Variants in KLHL14 observed in about 807,000 individuals in gnomAD.
The protein encoded by KLHL14 is kelch like family member 14.
KLHL14 carries 22 observed loss-of-function variants against 64.3 expected under a neutral mutation model. The ratio of observed to expected loss-of-function variants is 0.34; its 90% CI spans 0.24 to 0.49. The LOEUF (loss-of-function observed/expected upper bound fraction) is 0.49. Ranked by LOEUF, KLHL14 falls within the 20% of genes least tolerant of loss-of-function variation. The pLI is 0.99. For synonymous variants in KLHL14, 322 were observed against 333.4 expected (o/e 0.97, Z 0.37); for missense variants, 661 against 789.0 (o/e 0.84, Z 1.94).
At position 32,770,921 on chromosome 18, in the gene KLHL14, T is replaced by C; in HGVS notation, c.-43-287A>G. 2.2e-6 allele frequency: 1 copy of C among 464,616 alleles called. No individual in the cohort carries two copies. The highest frequency in any genetic ancestry group is 4.0e-6 in the Non-Finnish European group (1 of 247,772). The allele number at this position is 464,616 out of a possible 1,614,324, so 28.8% of individuals were successfully genotyped here. On this transcript the variant is annotated intron_variant, in intron 1 of 8. Transcript: ENST00000359358. This position sits in a 1 kb window ranked among gnomAD's most constrained non-coding sequence, Gnocchi z 6.7. Reference sequence around the variant, plus strand: ...CCACACACTTCGTCCCTCACTTTCCTAAAACCAACCACCTCAGCTCGGCTG... The same window carrying C: ...CCACACACTTCGTCCCTCACTTTCCCAAAACCAACCACCTCAGCTCGGCTG...
chr18:32,677,140 A>ATAAAGGAG (rs761456380), intron 8 of KLHL14, 33 bp downstream of exon 8: 2 of 1,597,078 alleles, frequency 1.3e-6, no homozygotes. Flanking sequence ...CACAAACGAA[A>ATAAAGGAG]TAAAGGAGGA....
At chr18:32,762,171 G>A (rs951618833) in intron 2 of KLHL14, among the ~76,000 whole-genome samples, 12 of 151,322 alleles carry the variant, frequency 7.9e-5, no homozygotes, top group East Asian at 3.9e-4. Flanking sequence ...TATTATAGGC[G>A]GTAAGGTACC....
intron 3 of KLHL14, among the ~76,000 whole-genome samples, chr18:32,721,844 C>A (rs897092469): frequency 1.3e-5 from 2 of 152,190 alleles, no homozygotes; most frequent in Non-Finnish European, 2.9e-5. Context: ...TGAATACCCA[C>A]ATGACCTAAA....
intron 3 of KLHL14, among the ~76,000 whole-genome samples, chr18:32,716,483 C>T (rs1293298632): frequency 2.6e-5 from 4 of 151,720 alleles, no homozygotes; most frequent in African/African-American, 9.7e-5. Context: ...GGCACGATCT[C>T]GGCTCACTGC....
At chr18:32,688,159 C>T (rs1022052614) in intron 4 of KLHL14, among the ~76,000 whole-genome samples, 1 of 152,162 alleles carries the variant, frequency 6.6e-6, no homozygotes, top group African/African-American at 2.4e-5. Flanking sequence ...AGATGATAAT[C>T]ATCTAGAGGA....
At chr18:32,732,785 G>T (rs1366465915) in intron 3 of KLHL14, among the ~76,000 whole-genome samples, 3 of 152,302 alleles carry the variant, frequency 2.0e-5, no homozygotes, top group Non-Finnish European at 2.9e-5. Context: ...ACTGATACAG[G>T]TGCTGGTACC....
chr18:32,716,572 G>A (rs865889227), intron 3 of KLHL14, among the ~76,000 whole-genome samples: 15 of 152,114 alleles, frequency 9.9e-5, no homozygotes, highest in South Asian at 2.1e-4. Context: ...ACGCCACCAC[G>A]CCCAGCTAAT....
Position 32,770,301 on chromosome 18 carries a change from C to G in KLHL14, c.291G>C (p.Gln97His), listed in dbSNP as rs2050374846. The G allele has an allele frequency of 6.3e-7, 1 of 1,583,486 alleles. No homozygotes were observed. The highest frequency in any genetic ancestry group is 2.2e-5 in the East Asian group (1 of 44,556). Residue 97 changes from glutamine to histidine, a missense_variant, in exon 2 of 9, where the codon CAG becomes CAC. By Grantham distance (24) the Gln-to-His change is conservative. Coordinates refer to ENST00000359358, the MANE Select transcript of KLHL14 (RefSeq NM_020805.3). The surrounding 1 kb of genome is among the most constrained non-coding windows in gnomAD (Gnocchi z 6.7). ...TCCCGGGCTCCTCCTGCGGCGGCGGCTGCTGCTGCTGTGACGGCTGCTGCT... is the reference window on the plus strand; with the variant it reads ...TCCCGGGCTCCTCCTGCGGCGGCGGGTGCTGCTGCTGTGACGGCTGCTGCT... ...PPQQQPSQQQ[Q>H]PPPQEEPGTP...
intron 4 of KLHL14, among the ~76,000 whole-genome samples, chr18:32,694,678 G>A (rs2049928354): frequency 6.6e-6 from 1 of 152,204 alleles, no homozygotes; most frequent in Non-Finnish European, 1.5e-5. Context: ...TGCAGTATAT[G>A]TAATTTCAGC....
chr18:32,695,446 A>C lies in KLHL14; in HGVS notation c.1159+17T>G, dbSNP rs368380363. 2.0e-6 allele frequency: 3 copies of C among 1,527,764 alleles called. No homozygotes were observed. The highest frequency in any genetic ancestry group is 1.8e-6 in the Non-Finnish European group (2 of 1,102,004). The allele number at this position is 1,527,764 out of a possible 1,614,324, so 94.6% of individuals were successfully genotyped here. On this transcript the variant is annotated intron_variant, in intron 4 of 8. Transcript: ENST00000359358. The stretch of plus-strand genomic sequence containing the variant: ...CATACTTGTTGAGCACCTCCAATTA[A>C]GTTGTTCAATAGTTACCATTCGGAT...
intron 3 of KLHL14, chr18:32,737,475 T>A (rs1041315383): frequency 3.3e-5 from 5 of 152,200 alleles, no homozygotes; most frequent in African/African-American, 9.6e-5. Flanking sequence ...TCTGCATTGC[T>A]TGGCTATTGA....
intron 2 of KLHL14, among the ~76,000 whole-genome samples, chr18:32,750,443 T>G (rs2050245606): frequency 6.6e-6 from 1 of 152,100 alleles, no homozygotes; most frequent in African/African-American, 2.4e-5. Context: ...AATTTTGGAG[T>G]TTTTATTGCT....
intron 2 of KLHL14, among the ~76,000 whole-genome samples, chr18:32,750,488 T>C (rs981103856): frequency 1.3e-5 from 2 of 152,206 alleles, no homozygotes; most frequent in African/African-American, 4.8e-5. Context: ...TTACACTGTA[T>C]ATAAATAGCC....
chr18:32,693,377 TACACACACACACAC>T (rs869067364), intron 4 of KLHL14, among the ~76,000 whole-genome samples: 14 of 96,654 alleles, frequency 1.4e-4, no homozygotes, highest in South Asian at 4.1e-4. Flanking sequence ...AAAGGGATCT[TACACACACACACAC>T]ACACACACAC....
At chr18:32,758,665 T>G (rs2050296493) in intron 2 of KLHL14, among the ~76,000 whole-genome samples, 1 of 152,206 alleles carries the variant, frequency 6.6e-6, no homozygotes, top group African/African-American at 2.4e-5. Context: ...GCAGCATTAT[T>G]CATAATAGCA....
intron 2 of KLHL14, among the ~76,000 whole-genome samples, chr18:32,745,942 CA>C: frequency 6.6e-6 from 1 of 152,082 alleles, no homozygotes; most frequent in East Asian, 1.9e-4. Flanking sequence ...TATTCTTTTT[CA>C]AATAATTCCA....
Position 32,687,244 on chromosome 18 carries a change from G to T in KLHL14, c.1160-11C>A, listed in dbSNP as rs1482009744. On this transcript the variant is annotated splice_polypyrimidine_tract_variant and intron_variant, in intron 4 of 8. Transcript: ENST00000359358. ...TTGTACTGTGTTTTCCTGTAAAAAT[G>T]CATTCGAGACATTTAAAACTTAGAT... 6.2e-7 allele frequency: 1 copy of T among 1,601,522 alleles called. No homozygotes were observed. The highest frequency in any genetic ancestry group is 1.7e-5 in the Admixed American group (1 of 59,974).
At chr18:32,720,255 A>G (rs1568073738) in intron 3 of KLHL14, among the ~76,000 whole-genome samples, 1 of 152,212 alleles carries the variant, frequency 6.6e-6, no homozygotes, top group African/African-American at 2.4e-5. Context: ...CTGAAGATTC[A>G]TTGAAAGATT....
chr18:32,709,360 C>T (rs927290804), intron 3 of KLHL14, among the ~76,000 whole-genome samples: 26 of 152,138 alleles, frequency 1.7e-4, no homozygotes, highest in African/African-American at 6.3e-4. Context: ...AGAGACCTTT[C>T]CTGACAGTGC....
Sources: gnomAD v4.1 joint callset for allele counts (sites outside exome capture counted in the v4.1 genomes callset) on GRCh38, gnomAD v4.1.1 for gene constraint, Gnocchi (gnomAD v3.1) non-coding constraint, MANE v1.5 for transcripts, NCBI Gene and HGNC (gene_info 2026-07-23, HGNC 2026-07-21) for gene names.